The following CHD1 variants were observed in gnomAD, a reference collection of about 807,000 sequenced individuals.
CHD1 encodes chromodomain helicase DNA binding protein 1.
Under a neutral mutation model 224.2 loss-of-function variants are expected in CHD1, and 36 were observed. The ratio of observed to expected loss-of-function variants is 0.16; its 90% CI spans 0.12 to 0.21. CHD1 has a LOEUF of 0.21. Ranked by LOEUF, CHD1 falls within the 10% of genes least tolerant of loss-of-function variation. The probability of loss-of-function intolerance (pLI) is 1.00; values close to 1 mark genes in which losing one functional copy is unlikely to be tolerated. For synonymous variants in CHD1, 668 were observed against 658.3 expected (o/e 1.01, Z -0.23); for missense variants, 1,378 against 1,994.8 (o/e 0.69, Z 5.89).
In CHD1 at chr5:98,858,333, G is replaced by T; in HGVS notation, c.4634C>A (p.Ser1545Tyr). 1 of 1,613,044 alleles carries T rather than the reference G, an allele frequency of 6.2e-7. No homozygotes were observed. The highest frequency in any genetic ancestry group is 8.5e-7 in the Non-Finnish European group (1 of 1,179,256). Residue 1545 changes from serine (S) to tyrosine (Y), a missense_variant, in exon 35 of 36, where the codon TCC (serine) becomes TAC (tyrosine). By Grantham distance (144) the Ser-to-Tyr change is moderately radical (BLOSUM62 -2). Coordinates refer to ENST00000614616, the MANE Select transcript of CHD1 (RefSeq NM_001270.4). ...NHDDSSRDSY[S>Y]SDRHLTQYHD... The stretch of plus-strand genomic sequence containing the variant: ...GTACTGAGTTAAGTGTCTATCAGAG[G>T]AATAACTGTCCCTGCTGCTATCATC...
At chr5:98,873,183 A>G (rs961640229) in intron 26 of CHD1, among the ~76,000 whole-genome samples, 1 of 152,180 alleles carries the variant, frequency 6.6e-6, no homozygotes, top group Non-Finnish European at 1.5e-5. Flanking sequence ...CAGCAAAATA[A>G]GCATAATAAT....
At chr5:98,898,224 T>C in intron 10 of CHD1, 32 bp downstream of exon 10, 1 of 1,196,342 alleles carries the variant, frequency 8.4e-7, no homozygotes, top group Non-Finnish European at 1.1e-6. Context: ...TAAATATATT[T>C]TTAATAATTT....
intron 2 of CHD1, among the ~76,000 whole-genome samples, chr5:98,908,388 T>C (rs1157171331): frequency 6.6e-6 from 1 of 152,176 alleles, no homozygotes; most frequent in Non-Finnish European, 1.5e-5. Context: ...TATACCTCTA[T>C]CTTGGTTATG....
At chr5:98,912,004 G>T (rs1554081213) in intron 2 of CHD1, among the ~76,000 whole-genome samples, 1 of 151,906 alleles carries the variant, frequency 6.6e-6, no homozygotes, top group South Asian at 2.1e-4. Context: ...TTGAGTAAAA[G>T]AATACTTTTT....
intron 17 of CHD1, chr5:98,885,961 A>G: frequency 4.0e-6 from 1 of 251,334 alleles, no homozygotes; most frequent in South Asian, 9.6e-5. Context: ...ATATCATGAC[A>G]TGATATACTA....
chr5:98,881,086 G>A lies in CHD1; in HGVS notation c.3050C>T (p.Ser1017Phe). The A allele has an allele frequency of 6.2e-7, 1 of 1,606,030 alleles. No individual in the cohort carries two copies. The highest frequency in any genetic ancestry group is 8.5e-7 in the Non-Finnish European group (1 of 1,174,442). ...TTTGTTTAAATCTACCTTGAACTGGGAAAGCAATTCATCTCCTACAGTTAA... is the reference window on the plus strand; with the variant it reads ...TTTGTTTAAATCTACCTTGAACTGGAAAAGCAATTCATCTCCTACAGTTAA... ...GPLTVGDELL[S>F]QFKVANFSNM... is the part of the protein sequence containing the mutation. The change falls in exon 22 of 36, where the codon TCC (serine) becomes TTC (phenylalanine). Residue 1017 changes from serine (S) to phenylalanine (F), a missense_variant. Physicochemically the swap from Ser to Phe is radical, Grantham distance 155. Around this residue, in one of 16 missense-constraint regions of CHD1, gnomAD observed 286 missense variants for 445.1 expected, o/e 0.64. Coordinates refer to ENST00000614616, the MANE Select transcript of CHD1 (RefSeq NM_001270.4).
At chr5:98,889,599 T>G (rs1750879155) in intron 15 of CHD1, 1 of 157,662 alleles carries the variant, frequency 6.3e-6, no homozygotes, top group Non-Finnish European at 1.4e-5. Flanking sequence ...TGCATGGACC[T>G]AAAAGAAACC....
chr5:98,869,948 T>C, intron 29 of CHD1, 66 bp from the exon 30 acceptor site: 2 of 1,228,484 alleles, frequency 1.6e-6, no homozygotes. Context: ...TCATAAACAT[T>C]AAATCCAAGG....
At chr5:98,926,702 A>G (rs1753479360) in intron 1 of CHD1, among the ~76,000 whole-genome samples, 168 bp from the exon 2 acceptor site, 1 of 152,066 alleles carries the variant, frequency 6.6e-6, no homozygotes, top group Non-Finnish European at 1.5e-5. Context: ...TAATAACTAC[A>G]CTCCTGACTG....
chr5:98,894,979 G>A (rs1187963581), intron 12 of CHD1, among the ~76,000 whole-genome samples: 2 of 151,834 alleles, frequency 1.3e-5, no homozygotes, highest in Non-Finnish European at 2.9e-5. Context: ...GCACCACCAC[G>A]CCCAGCTAAT....
chr5:98,894,115 TC>T (rs1179350924), intron 13 of CHD1, among the ~76,000 whole-genome samples: 1 of 152,200 alleles, frequency 6.6e-6, no homozygotes, highest in Non-Finnish European at 1.5e-5. Flanking sequence ...TTCATTAAAT[TC>T]TTTGAGACAT....
In CHD1 at chr5:98,856,417, CT is replaced by C; in HGVS notation, c.5095del (p.Ser1699ValfsTer16). 1 of 1,613,430 alleles carries C rather than the reference CT, an allele frequency of 6.2e-7. No homozygotes were observed. The highest frequency in any genetic ancestry group is 1.1e-5 in the South Asian group (1 of 91,058). ...ACTACTCCAGGTATGCTCCGGTGTA[CT>C]TTTGTGTTCAACTGAATGTTCAAAT... ...SPFEHSVEHKSTPEHTWSSRK... is the reference protein window; with the variant it reads ...SPFEHSVEHKXTPEHTWSSRK... On this transcript the variant is annotated frameshift_variant, in exon 36 of 36. Coordinates refer to ENST00000614616, the MANE Select transcript of CHD1 (RefSeq NM_001270.4). LOFTEE classifies it high-confidence loss of function.
At chr5:98,899,758 A>G in intron 7 of CHD1, 53 bp from the exon 8 acceptor site, 1 of 1,286,694 alleles carries the variant, frequency 7.8e-7, no homozygotes, top group Non-Finnish European at 1.1e-6. Flanking sequence ...TTGTAGGATT[A>G]TATTTCAACT....
rs377327309 is a variant in CHD1, at chr5:98,897,365, G to C, written c.1366-45C>G. On this transcript the variant is annotated intron_variant, in intron 10 of 35. Coordinates refer to ENST00000614616, the MANE Select transcript of CHD1 (RefSeq NM_001270.4). ...TATTATGTAGAGTTATTAAATATAA[G>C]AAATTATACTAAAAGATGAAAGCCT... is the stretch of plus-strand genomic sequence containing the variant. 3.8e-6 allele frequency: 5 copies of C among 1,320,602 alleles called. 1 individual carries two copies. Among genetic ancestry groups the C allele is most frequent in the Admixed American group, 4.6e-5 (2 of 43,340 alleles). 81.8% of individuals were successfully genotyped at this position (1,320,602 alleles called of 1,614,324 possible). A position where few individuals can be genotyped will look rare whatever the true frequency, so the allele number is the denominator to read the frequency against.
intron 2 of CHD1, among the ~76,000 whole-genome samples, chr5:98,922,471 ATAGT>A (rs1753165085): frequency 6.6e-6 from 1 of 152,224 alleles, no homozygotes; most frequent in South Asian, 2.1e-4. Context: ...GACAGAAAGA[ATAGT>A]TAAAAATTTT....
At chr5:98,879,800 A>G (rs1448291978) in intron 22 of CHD1, 72 bp from the exon 23 acceptor site, 2 of 894,266 alleles carry the variant, frequency 2.2e-6, no homozygotes, top group African/African-American at 3.4e-5. Context: ...TTTAAGGGGA[A>G]GAACTGGCAT....
chr5:98,871,459 TAAAAATAAATATAAAAGATTTTA>T (rs1454931116), intron 28 of CHD1, among the ~76,000 whole-genome samples: 9 of 150,466 alleles, frequency 6.0e-5, no homozygotes, highest in African/African-American at 2.2e-4. Context: ...CGATGTTTTT[TAAAAATAAATATAAAAGATTTTA>T]AGGATTTTGT....
At chr5:98,915,945 C>T (rs961670552) in intron 2 of CHD1, among the ~76,000 whole-genome samples, 2 of 152,124 alleles carry the variant, frequency 1.3e-5, no homozygotes, top group African/African-American at 4.8e-5. Flanking sequence ...AAAATCCCAG[C>T]ACTTTAGGAG....
intron 25 of CHD1, among the ~76,000 whole-genome samples, chr5:98,874,309 A>G (rs1749581559): frequency 6.6e-6 from 1 of 152,222 alleles, no homozygotes; most frequent in Non-Finnish European, 1.5e-5. Context: ...AAATCACAAT[A>G]ATTACTGAGA....
Sources: gnomAD v4.1 joint callset for allele counts (sites outside exome capture counted in the v4.1 genomes callset) on GRCh38, gnomAD v4.1.1 for gene constraint, gnomAD v4.1.1 regional missense constraint, MANE v1.5 for transcripts, NCBI Gene and HGNC (gene_info 2026-07-23, HGNC 2026-07-21) for gene names.